The following WDR12 variants were observed in gnomAD, a reference collection of about 807,000 sequenced individuals.
WDR12 encodes the protein ribosome biogenesis protein WDR12.
WDR12 carries 42 observed loss-of-function variants against 64.3 expected under a neutral mutation model. That is an observed-to-expected ratio of 0.65 (90% CI 0.51 to 0.84). The LOEUF is 0.84. Ranked by LOEUF, WDR12 falls within the 40% of genes least tolerant of loss-of-function variation. The pLI is 0.00. For synonymous variants in WDR12, 158 were observed against 173.3 expected, an observed-to-expected ratio of 0.91 and a Z score of 0.70; for missense variants, 469 against 494.6, an observed-to-expected ratio of 0.95 and a Z score of 0.49.
In WDR12 at chr2:202,884,103, G is replaced by A. The variant is rs951568325; in HGVS notation, c.988+95C>T. On this transcript the variant is annotated intron_variant, in intron 10 of 12. Coordinates refer to ENST00000261015, the MANE Select transcript of WDR12 (RefSeq NM_018256.4). ...TGGGATTACAGGCATGAGCCACCAC[G>A]CCTGGCCAGAAATTCCTTTTTTTGT... The A allele has an allele frequency of 7.8e-6, 10 of 1,286,212 alleles. No homozygotes were observed. Among genetic ancestry groups the A allele is most frequent in the South Asian group, 2.8e-5 (2 of 71,578 alleles). The allele number at this position is 1,286,212 out of a possible 1,614,324, so 79.7% of individuals were successfully genotyped here.
intron 1 of WDR12, among the ~76,000 whole-genome samples, chr2:202,911,116 TTTTCA>T (rs1028136291): frequency 3.9e-5 from 6 of 152,280 alleles, no homozygotes; most frequent in Non-Finnish European, 7.4e-5. Flanking sequence ...TAAATATGTT[TTTTCA>T]TTTTCAAAAA....
In WDR12 at chr2:202,880,864, G is replaced by A; in HGVS notation, c.1268C>T (p.Ala423Val). ...TAGTCAAATTATTGTTCACTTTCATGCCCCAACATGGGAAGTGGTAGGTGA... is the reference window on the plus strand; with the variant it reads ...TAGTCAAATTATTGTTCACTTTCATACCCCAACATGGGAAGTGGTAGGTGA... The part of the protein sequence containing the change: ...RYSPTTSHVG[A>V] Residue 423 changes from alanine to valine, a missense_variant, in exon 13 of 13, where the codon GCA becomes GTA. By Grantham distance (64) the Ala-to-Val change is moderately conservative. Coordinates refer to ENST00000261015, the MANE Select transcript of WDR12 (RefSeq NM_018256.4). 6.2e-7 allele frequency: 1 copy of A among 1,608,840 alleles called. No homozygotes were observed. The highest frequency in any genetic ancestry group is 8.5e-7 in the Non-Finnish European group (1 of 1,177,542).
At chr2:202,897,765 T>C (rs1467234802) in intron 4 of WDR12, among the ~76,000 whole-genome samples, 5 of 148,770 alleles carry the variant, frequency 3.4e-5, no homozygotes, top group African/African-American at 1.2e-4. Context: ...GGCGGGTGCC[T>C]GTAGTCTCAG....
intron 2 of WDR12, among the ~76,000 whole-genome samples, chr2:202,904,578 G>A (rs2105911768): frequency 6.6e-6 from 1 of 152,216 alleles, no homozygotes; most frequent in Middle Eastern, 3.4e-3. Flanking sequence ...GGAACAGCCA[G>A]TCTCTTCAAT....
chr2:202,909,276 A>G (rs1178504476), intron 1 of WDR12, among the ~76,000 whole-genome samples: 1 of 152,228 alleles, frequency 6.6e-6, no homozygotes, highest in Non-Finnish European at 1.5e-5. Flanking sequence ...TAAAAGGTAT[A>G]AACAACCTAA....
At chr2:202,881,017 C>T in intron 12 of WDR12, 80 bp from the exon 13 acceptor site, 1 of 1,237,714 alleles carries the variant, frequency 8.1e-7, no homozygotes, top group Non-Finnish European at 1.1e-6. Flanking sequence ...TAATTAAATA[C>T]TAATGATTTT....
intron 7 of WDR12, among the ~76,000 whole-genome samples, chr2:202,894,175 T>A (rs1574406302): frequency 6.6e-6 from 1 of 152,078 alleles, no homozygotes; most frequent in South Asian, 2.1e-4. Flanking sequence ...ACTGGTCTCT[T>A]TTTATGGCAA....
At chr2:202,904,138 C>CAAAAAAAAAAAAA (rs34378996) in intron 2 of WDR12, among the ~76,000 whole-genome samples, 7 of 38,534 alleles carry the variant, frequency 1.8e-4, no homozygotes, top group African/African-American at 2.9e-4. Flanking sequence ...AACTCTGTCT[C>CAAAAAAAAAAAAA]AAAAAAAAAA....
intron 2 of WDR12, among the ~76,000 whole-genome samples, chr2:202,905,846 T>C (rs1342288373): frequency 6.6e-6 from 1 of 151,714 alleles, no homozygotes; most frequent in Non-Finnish European, 1.5e-5. Context: ...AGATACAGAG[T>C]AGAAGGAGAG....
rs553690354 is a variant in WDR12, at chr2:202,911,514, G to A, written c.-38C>T. The A allele has an allele frequency of 3.7e-6, 6 of 1,606,766 alleles. No individual in the cohort carries two copies. The highest frequency in any genetic ancestry group is 2.7e-5 in the African/African-American group (2 of 74,864). Reference sequence around the variant, plus strand: ...ACACGACTTGCCCACGGAAACGTACGGGTTAGCAGACCCACAACACGAAGC... The same window carrying A: ...ACACGACTTGCCCACGGAAACGTACAGGTTAGCAGACCCACAACACGAAGC... On this transcript the variant is annotated 5_prime_UTR_variant, in exon 1 of 13. Coordinates refer to ENST00000261015, the MANE Select transcript of WDR12 (RefSeq NM_018256.4).
At chr2:202,903,496 GAAGGA>G (rs1688391969) in intron 2 of WDR12, among the ~76,000 whole-genome samples, 1 of 87,452 alleles carries the variant, frequency 1.1e-5, no homozygotes, top group African/African-American at 3.8e-5. Flanking sequence ...AGGAAGGAAG[GAAGGA>G]AGTGAGGGAG....
chr2:202,897,233 C>G, intron 5 of WDR12, 67 bp downstream of exon 5: 1 of 1,103,036 alleles, frequency 9.1e-7, no homozygotes, highest in Non-Finnish European at 1.3e-6. Flanking sequence ...TCTTCCCCAG[C>G]ACCAAAAATG....
Position 202,911,636 on chromosome 2 carries a change from C to A in WDR12, c.-160G>T, listed in dbSNP as rs920003086. 1 of 686,830 alleles carries A rather than the reference C, an allele frequency of 1.5e-6. No homozygotes were observed. The highest frequency in any genetic ancestry group is 1.8e-5 in the African/African-American group (1 of 56,508). The allele number at this position is 686,830 out of a possible 1,614,324, so 42.5% of individuals were successfully genotyped here. A position where few individuals can be genotyped will look rare whatever the true frequency, so the allele number is the denominator to read the frequency against. ...AGCCTGGACTCTGCCTTCTGCCCTC[C>A]GGTCTCCTCTGCAGAAAGCACGAGG... On this transcript the variant is annotated 5_prime_UTR_variant, in exon 1 of 13. Coordinates refer to ENST00000261015, the MANE Select transcript of WDR12 (RefSeq NM_018256.4).
In WDR12 at chr2:202,876,920, G is replaced by A. The variant is rs1037869103; in HGVS notation, c.*3940C>T. ...CACTCTAGCTTGGGCAACATAGTGA[G>A]ACCCTGTCTCTAAAAAATGAACAAA... On this transcript the variant is annotated 3_prime_UTR_variant, in exon 13 of 13. Coordinates refer to ENST00000261015, the MANE Select transcript of WDR12 (RefSeq NM_018256.4). 2 of 152,450 alleles carry A rather than the reference G, an allele frequency of 1.3e-5. No individual in the cohort carries two copies. Among genetic ancestry groups the A allele is most frequent in the Admixed American group, 1.3e-4 (2 of 15,260 alleles). 9.4% of individuals were successfully genotyped at this position (152,450 alleles called of 1,614,324 possible).
chr2:202,903,565 T>C (rs1461643690), intron 2 of WDR12, among the ~76,000 whole-genome samples: 1 of 152,116 alleles, frequency 6.6e-6, no homozygotes, highest in Non-Finnish European at 1.5e-5. Flanking sequence ...TGTCACATTA[T>C]CCTTGTTTGC....
At chr2:202,898,794 ATAAAT>A (rs1231962464) in intron 4 of WDR12, among the ~76,000 whole-genome samples, 3 of 152,114 alleles carry the variant, frequency 2.0e-5, no homozygotes, top group African/African-American at 7.2e-5. Context: ...ATCGAACCAA[ATAAAT>A]TAAATGCTCT....
intron 2 of WDR12, among the ~76,000 whole-genome samples, chr2:202,903,275 G>A (rs964401771): frequency 3.9e-5 from 6 of 151,968 alleles, no homozygotes; most frequent in African/African-American, 1.5e-4. Flanking sequence ...TCAAAAAACT[G>A]GGTATAGAAA....
intron 7 of WDR12, among the ~76,000 whole-genome samples, chr2:202,893,249 A>G (rs1262159615): frequency 3.9e-5 from 6 of 152,146 alleles, no homozygotes; most frequent in African/African-American, 1.4e-4. Flanking sequence ...TATGTAATGT[A>G]TGTTACATTA....
chr2:202,909,826 A>C (rs377141108), intron 1 of WDR12, among the ~76,000 whole-genome samples: 1 of 151,552 alleles, frequency 6.6e-6, no homozygotes, highest in Non-Finnish European at 1.5e-5. Context: ...ATAGAGTCTC[A>C]CTATGTTCCC....
Sources: allele counts gnomAD v4.1 joint callset (sites outside exome capture counted in the v4.1 genomes callset), GRCh38; gene constraint gnomAD v4.1.1; transcripts MANE v1.5; gene names NCBI Gene and HGNC (gene_info 2026-07-23, HGNC 2026-07-21).